Variants in ABLIM1 observed in about 807,000 individuals in gnomAD.
The protein encoded by ABLIM1 is actin-binding LIM protein 1.
ABLIM1 carries 40 observed loss-of-function variants against 107.0 expected under a neutral mutation model. The ratio of observed to expected loss-of-function variants is 0.37; its 90% CI spans 0.29 to 0.49. The LOEUF (loss-of-function observed/expected upper bound fraction) is 0.49, where lower values mean the gene tolerates loss of function less well. Ranked by LOEUF, ABLIM1 falls within the 20% of genes least tolerant of loss-of-function variation. The probability of loss-of-function intolerance (pLI) is 0.97; values close to 1 mark genes in which losing one functional copy is unlikely to be tolerated. For missense variants in ABLIM1, 857 were observed against 1,008.5 expected (o/e 0.85, Z 2.04); for synonymous variants, 357 against 357.3 (o/e 1.00, Z 0.01).
chr10:114,677,573 G>A (rs951409033), intron 1 of ABLIM1, among the ~76,000 whole-genome samples: 2 of 152,130 alleles, frequency 1.3e-5, no homozygotes, highest in Admixed American at 1.3e-4. Context: ...AGGTGTTTAA[G>A]ACCATCCTGG....
In ABLIM1 at chr10:114,448,011, G is replaced by C. The variant is rs1461234410; in HGVS notation, c.1604C>G (p.Ala535Gly). The C allele has an allele frequency of 1.2e-6, 2 of 1,613,982 alleles. No homozygotes were observed. Among genetic ancestry groups the C allele is most frequent in the Non-Finnish European group, 8.5e-7 (1 of 1,179,984 alleles). The change falls in exon 15 of 23, where the codon GCA (alanine) becomes GGA (glycine). Residue 535 changes from alanine (A) to glycine (G), a missense_variant. This residue lies in a region of ABLIM1 where 103 missense variants were observed against 101.0 expected (regional missense o/e 1.02). Transcript: ENST00000533213. Reference sequence around the variant, plus strand: ...ATCTTCTGAGGACTTGCTCTGGGCTGCCAAGGCAGCTGCATCTAGATGGGA... The same window carrying C: ...ATCTTCTGAGGACTTGCTCTGGGCTCCCAAGGCAGCTGCATCTAGATGGGA... Reference protein sequence around the residue: ...PPIYKQHAALAAQSKSSEDII... With the variant: ...PPIYKQHAALGAQSKSSEDII...
At chr10:114,690,074 G>T in intron 1 of ABLIM1, 1 of 861,324 alleles carries the variant, frequency 1.2e-6, no homozygotes, top group Non-Finnish European at 1.8e-6. Context: ...GCAAGCAAAT[G>T]GGGTGGAGGG....
chr10:114,625,433 A>G (rs2140525220), intron 1 of ABLIM1, among the ~76,000 whole-genome samples: 1 of 152,326 alleles, frequency 6.6e-6, no homozygotes, highest in African/African-American at 2.4e-5. Flanking sequence ...AACACTTCAC[A>G]GCTCCTAAGG....
chr10:114,666,536 T>G (rs1451046621), intron 1 of ABLIM1, among the ~76,000 whole-genome samples: 1 of 152,134 alleles, frequency 6.6e-6, no homozygotes, highest in Non-Finnish European at 1.5e-5. Flanking sequence ...AACAACAACA[T>G]GGTCAGTAAA....
At chr10:114,545,949 A>AC in intron 5 of ABLIM1, among the ~76,000 whole-genome samples, 1 of 150,210 alleles carries the variant, frequency 6.7e-6, no homozygotes, top group South Asian at 2.1e-4. Context: ...AAAACAAAAA[A>AC]AAAAAACAAG....
At chr10:114,748,025 G>A (rs1456137300) in intron 1 of ABLIM1, among the ~76,000 whole-genome samples, 1 of 152,080 alleles carries the variant, frequency 6.6e-6, no homozygotes, top group Non-Finnish European at 1.5e-5. Context: ...GGGTGATAGA[G>A]CGATACTTCA....
intron 1 of ABLIM1, among the ~76,000 whole-genome samples, chr10:114,757,548 C>T (rs1449562887): frequency 6.6e-6 from 1 of 152,196 alleles, no homozygotes; most frequent in African/African-American, 2.4e-5. Context: ...TCCCCTCTTT[C>T]TTCTACTTCA....
At position 114,629,476 on chromosome 10, in the gene ABLIM1, C is replaced by A. The variant is rs568390896; in HGVS notation, c.245-27515G>T. On this transcript the variant is annotated intron_variant, in intron 1 of 22. Coordinates refer to ENST00000533213, the MANE Select transcript of ABLIM1 (RefSeq NM_002313.7). The surrounding 1 kb of genome is among the most constrained non-coding windows in gnomAD (Gnocchi z 4.0). ...TGTTCCTGCTCTGACAACGGGCCAACCTGTTTTGGTTGTTTGAAGATCTAC... is the reference window on the plus strand; with the variant it reads ...TGTTCCTGCTCTGACAACGGGCCAAACTGTTTTGGTTGTTTGAAGATCTAC... Among the ~76,000 whole-genome samples, 11 of 152,232 alleles carry A rather than the reference C, an allele frequency of 7.2e-5. No homozygotes were observed. In the East Asian group the frequency reaches 2.1e-3, roughly 29 times the overall value.
intron 6 of ABLIM1, among the ~76,000 whole-genome samples, chr10:114,518,594 C>T (rs2063267126): frequency 6.6e-6 from 1 of 151,714 alleles, no homozygotes; most frequent in Admixed American, 6.6e-5. Flanking sequence ...AAACCTGGCC[C>T]ACTACCTGTT....
chr10:114,635,181 G>A (rs1290145322), intron 1 of ABLIM1, among the ~76,000 whole-genome samples: 1 of 152,130 alleles, frequency 6.6e-6, no homozygotes, highest in Non-Finnish European at 1.5e-5. Flanking sequence ...CCATCAGACT[G>A]ACCCATTGCC....
chr10:114,635,504 C>T (rs563926849), intron 1 of ABLIM1, among the ~76,000 whole-genome samples: 10 of 152,190 alleles, frequency 6.6e-5, no homozygotes, highest in Non-Finnish European at 4.4e-5. Context: ...AGTTGCTAAC[C>T]CTCAACACCA....
chr10:114,774,630 G>A, the ABLIM1 span, among the ~76,000 whole-genome samples: 1 of 152,166 alleles, frequency 6.6e-6, no homozygotes, highest in South Asian at 2.1e-4. Context: ...TGAGAAAAAA[G>A]TTGGACTGAA....
intron 6 of ABLIM1, among the ~76,000 whole-genome samples, chr10:114,538,648 C>CA (rs1265506645): frequency 6.6e-6 from 1 of 152,210 alleles, no homozygotes; most frequent in Non-Finnish European, 1.5e-5. Context: ...AAAGGGAAAT[C>CA]GTGGGACTCA....
At chr10:114,441,150 G>A in intron 18 of ABLIM1, 73 bp from the exon 19 acceptor site, 1 of 1,449,448 alleles carries the variant, frequency 6.9e-7, no homozygotes, top group Non-Finnish European at 9.3e-7. Context: ...AAGGAAGAAA[G>A]AGTTTACAAA....
chr10:114,461,084 G>C (rs1009176899), intron 12 of ABLIM1, among the ~76,000 whole-genome samples: 29 of 149,202 alleles, frequency 1.9e-4, no homozygotes, highest in African/African-American at 6.9e-4. Context: ...TTTTTTTTGA[G>C]ACAGGGTTTT....
rs1433942370 is a variant in ABLIM1 at position 114,559,447 on chromosome 10, AAAAAAAAAAAAAAAAGAAAG to A, written c.674-11691_674-11672del. 2.9e-5 allele frequency among the ~76,000 whole-genome samples: 4 copies of A among 136,364 alleles called. 1 individual carries two copies. The highest frequency in any genetic ancestry group is 1.3e-4 in the African/African-American group (4 of 31,784). The allele number at this position is 136,364 out of a possible 152,430, so 89.5% of individuals were successfully genotyped here. A position where few individuals can be genotyped will look rare whatever the true frequency, so the allele number is the denominator to read the frequency against. On this transcript the variant is annotated intron_variant, in intron 4 of 22. Transcript: ENST00000533213. ...GCAAAAACTCGTCTCTCAAAAAAAAAAAAAAAAAAAAAAAAGAAAGAAAGAAAAAAAGAAAAAAGAAAAAG... is the reference window on the plus strand; with the variant it reads ...GCAAAAACTCGTCTCTCAAAAAAAAAAAAGAAAAAAAGAAAAAAGAAAAAG...
intron 8 of ABLIM1, among the ~76,000 whole-genome samples, chr10:114,487,703 G>C (rs2058383928): frequency 6.6e-6 from 1 of 152,090 alleles, no homozygotes. Context: ...CTTTTCTCTT[G>C]AATGCTTTTC....
chr10:114,549,758 T>C (rs2067817902), intron 4 of ABLIM1, among the ~76,000 whole-genome samples: 1 of 152,206 alleles, frequency 6.6e-6, no homozygotes, highest in Non-Finnish European at 1.5e-5. Flanking sequence ...GTATAGTTGA[T>C]AATGGAATAC....
intron 22 of ABLIM1, 107 bp downstream of exon 22, chr10:114,437,737 A>G (rs1299760515): frequency 6.4e-6 from 6 of 937,838 alleles, no homozygotes; most frequent in Admixed American, 2.2e-5. Context: ...GGTGATCTTT[A>G]TAATTTTTTT....
Sources: gnomAD v4.1 joint callset for allele counts (sites outside exome capture counted in the v4.1 genomes callset) on GRCh38, gnomAD v4.1.1 for gene constraint, gnomAD v4.1.1 regional missense constraint, Gnocchi (gnomAD v3.1) non-coding constraint, MANE v1.5 for transcripts, NCBI Gene and HGNC (gene_info 2026-07-23, HGNC 2026-07-21) for gene names.